LPCAT2: variants seen among roughly 807,000 people sequenced by gnomAD.
LPCAT2 encodes lysophosphatidylcholine acyltransferase 2.
In LPCAT2, 58 loss-of-function variants were observed where a neutral mutation model predicts 64.7. The observed-to-expected ratio is 0.90, with a 90% CI of 0.73 to 1.12. The LOEUF (loss-of-function observed/expected upper bound fraction) is 1.12. Among genes scored for constraint, LPCAT2 ranks in the 50% most tolerant of loss-of-function variants. LPCAT2 has a pLI of 0.00. For synonymous variants in LPCAT2, 252 were observed against 245.3 expected, an observed-to-expected ratio of 1.03 and a Z score of -0.26; for missense variants, 579 against 669.8, an observed-to-expected ratio of 0.86 and a Z score of 1.50.
chr16:55,564,242 T>A lies in LPCAT2; in HGVS notation c.1216-10389T>A, dbSNP rs1963667576. The stretch of plus-strand genomic sequence containing the variant: ...TGGAAAGATATTCCATGTTTATGGA[T>A]TAGAAGACAATATTAAGAGTCAGTA... On this transcript the variant is annotated intron_variant, in intron 11 of 13. Coordinates refer to ENST00000262134, the MANE Select transcript of LPCAT2 (RefSeq NM_017839.5). 2.0e-5 allele frequency among the ~76,000 whole-genome samples: 3 copies of A among 152,046 alleles called. No individual in the cohort carries two copies. In the South Asian group the frequency reaches 6.2e-4, roughly 31 times the overall value.
At chr16:55,514,964 A>G (rs73549522) in intron 1 of LPCAT2, among the ~76,000 whole-genome samples, 1,899 of 151,338 alleles carry the variant, frequency 0.013, 44 homozygotes, top group African/African-American at 0.04. Flanking sequence ...CAGACTATCA[A>G]ACAAAAAAAG....
chr16:55,576,133 C>T (rs1005588274), intron 12 of LPCAT2, among the ~76,000 whole-genome samples: 10 of 150,360 alleles, frequency 6.7e-5, no homozygotes, highest in Non-Finnish European at 1.5e-5. Context: ...TAGCCTAGAC[C>T]TTGGTTTGGG....
intron 6 of LPCAT2, among the ~76,000 whole-genome samples, chr16:55,533,603 G>C (rs1963284822): frequency 6.6e-6 from 1 of 151,748 alleles, no homozygotes; most frequent in Non-Finnish European, 1.5e-5. Flanking sequence ...AATAGAGACA[G>C]GGTTTCACCA....
At chr16:55,511,293 T>C (rs966331056) in intron 1 of LPCAT2, among the ~76,000 whole-genome samples, 1 of 152,192 alleles carries the variant, frequency 6.6e-6, no homozygotes, top group African/African-American at 2.4e-5. Flanking sequence ...AAAATACTTT[T>C]TAAATTTATA....
chr16:55,559,769 A>G (rs551119675), intron 11 of LPCAT2, among the ~76,000 whole-genome samples: 19 of 99,238 alleles, frequency 1.9e-4, no homozygotes, highest in African/African-American at 9.3e-4. Context: ...ATACAATTTG[A>G]AAAAAAAAAA....
chr16:55,559,501 A>G (rs1963612103), intron 11 of LPCAT2, among the ~76,000 whole-genome samples: 1 of 152,184 alleles, frequency 6.6e-6, no homozygotes, highest in Non-Finnish European at 1.5e-5. Flanking sequence ...AATAACAAAC[A>G]TCCTTGCCTG....
At chr16:55,574,817 T>A in intron 12 of LPCAT2, 88 bp downstream of exon 12, 2 of 920,420 alleles carry the variant, frequency 2.2e-6, no homozygotes, top group Non-Finnish European at 3.6e-6. Context: ...AGTGAATCTA[T>A]TATGTGATTT....
intron 3 of LPCAT2, 32 bp downstream of exon 3, chr16:55,528,626 A>C: frequency 6.8e-7 from 1 of 1,480,178 alleles, no homozygotes; most frequent in Non-Finnish European, 9.4e-7. Flanking sequence ...TAGATAAAAT[A>C]TTTTCATGCT....
At chr16:55,567,661 G>A (rs958187926) in intron 11 of LPCAT2, 15 of 707,116 alleles carry the variant, frequency 2.1e-5, no homozygotes, top group Non-Finnish European at 3.5e-5. Flanking sequence ...TTTTACTGCT[G>A]AATTAAAACA....
chr16:55,525,145 A>G (rs1273613544), intron 1 of LPCAT2, among the ~76,000 whole-genome samples: 2 of 152,056 alleles, frequency 1.3e-5, no homozygotes, highest in Non-Finnish European at 2.9e-5. Context: ...TTACCTTGCT[A>G]GCTCCTGCTT....
intron 11 of LPCAT2, among the ~76,000 whole-genome samples, chr16:55,563,133 T>C (rs567288021): frequency 6.6e-6 from 1 of 151,938 alleles, no homozygotes; most frequent in East Asian, 1.9e-4. Context: ...ATAAGCTAGA[T>C]GAAATTGTCA....
At chr16:55,541,917 GA>G in intron 8 of LPCAT2, 1 of 1,282,668 alleles carries the variant, frequency 7.8e-7, no homozygotes, top group Non-Finnish European at 1.0e-6. Flanking sequence ...TCTCTTCGAA[GA>G]TTTAAAAGAA....
intron 3 of LPCAT2, 87 bp downstream of exon 3, chr16:55,528,681 T>C: frequency 5.1e-6 from 5 of 974,694 alleles, no homozygotes; most frequent in Non-Finnish European, 7.7e-6. Flanking sequence ...TTGATAACCT[T>C]TTTAAAAAGT....
Position 55,585,597 on chromosome 16 carries a change from CCT to C in LPCAT2, c.*2502_*2503del, listed in dbSNP as rs1963935668. On this transcript the variant is annotated 3_prime_UTR_variant, in exon 14 of 14. Coordinates refer to ENST00000262134, the MANE Select transcript of LPCAT2 (RefSeq NM_017839.5). ...AAGTGAGAAATATTATATCCTAAAA[CCT>C]CTAAACCACAAACATTCAATTGAAA... 2 of 152,264 alleles carry C rather than the reference CCT, an allele frequency of 1.3e-5. No homozygotes were observed. The highest frequency in any genetic ancestry group is 4.1e-4 in the South Asian group (2 of 4,822). The allele number at this position is 152,264 out of a possible 1,614,324, so 9.4% of individuals were successfully genotyped here. A position where few individuals can be genotyped will look rare whatever the true frequency, so the allele number is the denominator to read the frequency against.
chr16:55,549,239 A>ATTTTT (rs1963488199), intron 9 of LPCAT2, 38 bp from the exon 10 acceptor site: 6 of 1,477,114 alleles, frequency 4.1e-6, no homozygotes, highest in African/African-American at 3.1e-5. Flanking sequence ...TTTTTTTTTA[A>ATTTTT]AAAAAATGAA....
At chr16:55,528,688 A>C in intron 3 of LPCAT2, 94 bp downstream of exon 3, 1 of 930,314 alleles carries the variant, frequency 1.1e-6, no homozygotes, top group South Asian at 1.7e-5. Flanking sequence ...CCTTTTTAAA[A>C]AGTTTAAAAT....
chr16:55,549,233 T>C, intron 9 of LPCAT2, 44 bp from the exon 10 acceptor site: 1 of 1,468,358 alleles, frequency 6.8e-7, no homozygotes. Context: ...ATTACTTTTT[T>C]TTTTAAAAAA....
intron 12 of LPCAT2, among the ~76,000 whole-genome samples, chr16:55,576,760 A>G (rs1963832116): frequency 6.6e-6 from 1 of 152,170 alleles, no homozygotes; most frequent in South Asian, 2.1e-4. Flanking sequence ...ACTTTCTACC[A>G]GAGTCTAGAT....
Position 55,509,237 on chromosome 16 carries a change from T to G in LPCAT2, c.56T>G (p.Val19Gly), listed in dbSNP as rs201482126. 1.2e-4 allele frequency: 178 copies of G among 1,472,716 alleles called. 1 individual carries two copies. In the African/African-American group the frequency reaches 2.4e-3, roughly 20 times the overall value. 91.2% of individuals were successfully genotyped at this position (1,472,716 alleles called of 1,614,324 possible). ...EVAATVPGAG[V>G]GNVGLRPPMV... ...GCGGCCACAGTGCCAGGTGCCGGCG[T>G]CGGGAACGTGGGGCTGCGGCCGCCC... Residue 19 changes from valine (V) to glycine (G), a missense_variant, in exon 1 of 14, where the codon GTC becomes GGC. Val to Gly is a moderately radical substitution (Grantham distance 109). Transcript: ENST00000262134.
Sources: gnomAD v4.1 joint callset for allele counts (sites outside exome capture counted in the v4.1 genomes callset) on GRCh38, gnomAD v4.1.1 for gene constraint, MANE v1.5 for transcripts, NCBI Gene and HGNC (gene_info 2026-07-23, HGNC 2026-07-21) for gene names.